NPAS1: variants seen among roughly 807,000 people sequenced by gnomAD.
NPAS1 encodes neuronal PAS domain protein 1.
In NPAS1, 29 loss-of-function variants were observed where a neutral mutation model predicts 49.2. That is an observed-to-expected ratio of 0.59 (90% CI 0.44 to 0.80). The LOEUF is 0.80. Ranked by LOEUF, NPAS1 falls within the 30% of genes least tolerant of loss-of-function variation. The probability of loss-of-function intolerance (pLI) is 0.00; values close to 1 mark genes in which losing one functional copy is unlikely to be tolerated. For synonymous variants in NPAS1, 408 were observed against 380.4 expected, an observed-to-expected ratio of 1.07 and a Z score of -0.84; for missense variants, 825 against 835.5, an observed-to-expected ratio of 0.99 and a Z score of 0.15.
chr19:47,022,053 G>C (rs1294782264), intron 3 of NPAS1, among the ~76,000 whole-genome samples: 1 of 152,232 alleles, frequency 6.6e-6, no homozygotes, highest in Non-Finnish European at 1.5e-5. Flanking sequence ...GGAAGATTTC[G>C]TGAATTCTGC....
chr19:47,045,189 A>G lies in NPAS1; in HGVS notation c.1313-2A>G. 1 of 1,612,740 alleles carries G rather than the reference A, an allele frequency of 6.2e-7. No homozygotes were observed. ...CAGGCCCTCAGCATCTTCCTCTTCC[A>G]GAGCCGGAGCCTCCGACGGAAGGGA... On this transcript the variant is annotated splice_acceptor_variant, in intron 11 of 11. Coordinates refer to ENST00000602212, the MANE Select transcript of NPAS1 (RefSeq NM_002517.4). LOFTEE classifies it high-confidence loss of function.
chr19:47,020,958 G>A, intron 1 of NPAS1, 48 bp from the exon 2 acceptor site: 3 of 1,050,670 alleles, frequency 2.9e-6, no homozygotes, highest in Non-Finnish European at 4.0e-6. Context: ...TTCCCTAGAA[G>A]GTCTCCCGAG....
At chr19:47,038,112 C>G (rs955374639) in intron 6 of NPAS1, among the ~76,000 whole-genome samples, 2 of 152,168 alleles carry the variant, frequency 1.3e-5, no homozygotes, top group African/African-American at 4.8e-5. Flanking sequence ...GAGGAGAAGT[C>G]TGTGCTGAGA....
At chr19:47,023,964 G>A (rs528897197) in intron 3 of NPAS1, among the ~76,000 whole-genome samples, 17 of 152,112 alleles carry the variant, frequency 1.1e-4, no homozygotes, top group African/African-American at 3.6e-4. Flanking sequence ...AATTAGCCGG[G>A]CGTGGTGGTG....
chr19:47,035,191 A>AAAGAAG (rs56216577), intron 5 of NPAS1: 47,022 of 148,878 alleles, frequency 0.32, 7,481 homozygotes, highest in Admixed American at 0.41. Flanking sequence ...AAAAAAATAA[A>AAAGAAG]AAGAAGAAGA....
chr19:47,020,874 G>A lies in NPAS1; in HGVS notation c.-42-132G>A, dbSNP rs1351254117. On this transcript the variant is annotated intron_variant, in intron 1 of 11. Transcript: ENST00000602212. ...TGGGAGCTGAGGCCTCCAGGTAGGG[G>A]AAACTGAGGCATCATCCAGGCCCCC... 227 of 467,726 alleles carry A rather than the reference G, an allele frequency of 4.9e-4. 11 individuals carry two copies. In the East Asian group the frequency reaches 8.0e-3, roughly 16 times the overall value. The allele number at this position is 467,726 out of a possible 1,614,324, so 29.0% of individuals were successfully genotyped here.
At chr19:47,028,423 G>A (rs1282603625) in intron 3 of NPAS1, among the ~76,000 whole-genome samples, 1 of 152,094 alleles carries the variant, frequency 6.6e-6, no homozygotes, top group African/African-American at 2.4e-5. Flanking sequence ...GGGGAGGCGG[G>A]GGCTGCGCGC....
At chr19:47,035,221 G>GAAGAAGAAGAAGAAGAAGAAGAAGAA (rs56400118) in intron 5 of NPAS1, 2 of 151,900 alleles carry the variant, frequency 1.3e-5, no homozygotes, top group East Asian at 1.9e-4. Flanking sequence ...AGAAGAAGAA[G>GAAGAAGAAGAAGAAGAAGAAGAAGAA]GAAAGGCTTG....
chr19:47,020,518 C>T (rs964449623), intron 1 of NPAS1, among the ~76,000 whole-genome samples: 1 of 151,840 alleles, frequency 6.6e-6, no homozygotes, highest in Non-Finnish European at 1.5e-5. Context: ...GCCCTCTGCC[C>T]CCTGCCTCCT....
rs1328344950 is a variant in NPAS1 at position 47,025,363 on chromosome 19, C to CCA, written c.358+3517_358+3518insAC. 1.5e-5 allele frequency among the ~76,000 whole-genome samples: 2 copies of CCA among 133,604 alleles called. 1 individual carries two copies. Among genetic ancestry groups the CCA allele is most frequent in the Non-Finnish European group, 3.4e-5 (2 of 59,408 alleles). The allele number at this position is 133,604 out of a possible 152,430, so 87.6% of individuals were successfully genotyped here. ...GCATGATCTCGGCTCACTGCAACCT[C>CCA]CTTCTCCTGGGTTCAAGCGATTCTC... On this transcript the variant is annotated intron_variant, in intron 3 of 11. Transcript: ENST00000602212.
In NPAS1 at chr19:47,045,440, C is replaced by T; in HGVS notation, c.1562C>T (p.Pro521Leu). ...CTGGCGCCTCCCGGGGACCCCCCGC[C>T]CACCCTCCTGCACGCGGGCTTCCTG... is the stretch of plus-strand genomic sequence containing the variant. ...WGLAPPGDPP[P>L]TLLHAGFLPP... The change falls in exon 12 of 12, where the codon CCC becomes CTC. Residue 521 changes from proline to leucine, a missense_variant. Coordinates refer to ENST00000602212, the MANE Select transcript of NPAS1 (RefSeq NM_002517.4). 6.2e-7 allele frequency: 1 copy of T among 1,602,326 alleles called. No individual in the cohort carries two copies. Among genetic ancestry groups the T allele is most frequent in the Admixed American group, 1.7e-5 (1 of 58,478 alleles).
chr19:47,028,459 C>T (rs975496684), intron 3 of NPAS1, among the ~76,000 whole-genome samples: 5 of 152,010 alleles, frequency 3.3e-5, no homozygotes, highest in East Asian at 1.9e-4. Flanking sequence ...GGGGTTTCGC[C>T]GCCTGGTGTT....
In NPAS1 at chr19:47,045,751, C is replaced by G; in HGVS notation, c.*100C>G. The G allele has an allele frequency of 2.6e-6, 3 of 1,134,104 alleles. No homozygotes were observed. The highest frequency in any genetic ancestry group is 3.6e-6 in the Non-Finnish European group (3 of 843,542). 70.3% of individuals were successfully genotyped at this position (1,134,104 alleles called of 1,614,324 possible). A position where few individuals can be genotyped will look rare whatever the true frequency, so the allele number is the denominator to read the frequency against. On this transcript the variant is annotated 3_prime_UTR_variant, in exon 12 of 12. Coordinates refer to ENST00000602212, the MANE Select transcript of NPAS1 (RefSeq NM_002517.4). Reference sequence around the variant, plus strand: ...TAGCCCTGAGAATTAAACGCCGGCTCTCCCTGCAGTGGTTTGGGCTCCGGG... The same window carrying G: ...TAGCCCTGAGAATTAAACGCCGGCTGTCCCTGCAGTGGTTTGGGCTCCGGG...
At chr19:47,033,807 A>G (rs1599904845) in intron 5 of NPAS1, among the ~76,000 whole-genome samples, 1 of 96,688 alleles carries the variant, frequency 1.0e-5, no homozygotes, top group Non-Finnish European at 2.1e-5. Context: ...CACCCCCACC[A>G]TCTCTACAAA....
Position 47,039,443 on chromosome 19 carries a change from C to T in NPAS1, c.841C>T (p.Leu281=), listed in dbSNP as rs2056995085. Residue 281 remains leucine (L), a synonymous_variant, in exon 8 of 12, where the codon CTG becomes TTG. Coordinates refer to ENST00000602212, the MANE Select transcript of NPAS1 (RefSeq NM_002517.4). ...GACTGGGCGCCTTCGGGCCCACGCC[C>T]TGGGCCTTGTGGCCCTCGGGCACAC... The part of the protein sequence containing the change: ...HVTGRLRAHA[L]GLVALGHTLP... 6.2e-7 allele frequency: 1 copy of T among 1,612,008 alleles called. No homozygotes were observed. The highest frequency in any genetic ancestry group is 1.3e-5 in the African/African-American group (1 of 75,002).
At chr19:47,032,970 C>T (rs1294095961) in intron 5 of NPAS1, among the ~76,000 whole-genome samples, 2 of 152,288 alleles carry the variant, frequency 1.3e-5, no homozygotes, top group South Asian at 2.1e-4. Context: ...GACGGAGTCT[C>T]GCTCTATCAC....
In NPAS1 at chr19:47,038,460, T is replaced by G. The variant is rs559071036; in HGVS notation, c.689-576T>G. 3.0e-3 allele frequency among the ~76,000 whole-genome samples: 445 copies of G among 146,462 alleles called. 3 individuals carry two copies. Among genetic ancestry groups the G allele is most frequent in the African/African-American group, 0.011 (433 of 38,914 alleles). On this transcript the variant is annotated intron_variant, in intron 6 of 11. Transcript: ENST00000602212. Reference sequence around the variant, plus strand: ...TGAACTGGGGAGACGGAGGTCGCAGTAGGCCGAGATCGTGCCACTGCACTC... The same window carrying G: ...TGAACTGGGGAGACGGAGGTCGCAGGAGGCCGAGATCGTGCCACTGCACTC...
rs140194865 is a variant in NPAS1 at position 47,036,491 on chromosome 19, G to A, written c.688+362G>A. ...CGCGGCGGCTCGCGCCTGTAACCCC[G>A]GCACTTCGGGAGGCCCAGGGGGGCG... On this transcript the variant is annotated intron_variant, in intron 6 of 11. Coordinates refer to ENST00000602212, the MANE Select transcript of NPAS1 (RefSeq NM_002517.4). Among the ~76,000 whole-genome samples the A allele has an allele frequency of 1.6e-3, 239 of 152,260 alleles. 4 individuals are homozygous for A. Among genetic ancestry groups the A allele is most frequent in the Admixed American group, 0.014 (210 of 15,290 alleles).
At position 47,041,259 on chromosome 19, in the gene NPAS1, A is replaced by C. The variant is rs1156748243; in HGVS notation, c.1217+134A>C. ...GGGTCTGCAGACACGAAGGGGAAGG[A>C]GGGGAGGATGGTGAGAGCAGAGGCC... On this transcript the variant is annotated intron_variant, in intron 10 of 11. Coordinates refer to ENST00000602212, the MANE Select transcript of NPAS1 (RefSeq NM_002517.4). The C allele has an allele frequency of 5.6e-6, 5 of 890,956 alleles. No homozygotes were observed. In the East Asian group the frequency reaches 1.3e-4, roughly 22 times the overall value. 55.2% of individuals were successfully genotyped at this position (890,956 alleles called of 1,614,324 possible).
Sources: allele counts gnomAD v4.1 joint callset (sites outside exome capture counted in the v4.1 genomes callset), GRCh38; gene constraint gnomAD v4.1.1; transcripts MANE v1.5; gene names NCBI Gene and HGNC (gene_info 2026-07-23, HGNC 2026-07-21).